The following HK2 variants were observed in gnomAD, a reference collection of about 807,000 sequenced individuals.
The protein encoded by HK2 is hexokinase-2.
A neutral mutation model predicts 92.9 loss-of-function variants in HK2; 42 were observed. The ratio of observed to expected loss-of-function variants is 0.45; its 90% confidence interval spans 0.35 to 0.58. HK2 has a LOEUF of 0.58. Among genes scored for constraint, HK2 ranks in the 20% least tolerant of loss-of-function variants. The pLI, the probability that HK2 is intolerant of heterozygous loss-of-function variation, is 0.00. For missense variants in HK2, 978 were observed against 1,245.1 expected (o/e 0.79, Z 3.23); for synonymous variants, 422 against 468.0 (o/e 0.90, Z 1.27).
chr2:74,848,281 AAT>A (rs1688490728), intron 1 of HK2, among the ~76,000 whole-genome samples: 1 of 152,238 alleles, frequency 6.6e-6, no homozygotes, highest in Non-Finnish European at 1.5e-5. Flanking sequence ...ATTGATCTAT[AAT>A]ATGAGCCAGC....
At chr2:74,835,046 G>C (rs1016839365) in intron 1 of HK2, 1 of 291,718 alleles carries the variant, frequency 3.4e-6, no homozygotes, top group Non-Finnish European at 6.6e-6. Context: ...GTGGCTGCGG[G>C]AGGCTGCTCC....
At chr2:74,876,124 T>A (rs888656012) in intron 7 of HK2, among the ~76,000 whole-genome samples, 34 of 152,232 alleles carry the variant, frequency 2.2e-4, no homozygotes, top group Admixed American at 1.3e-4. Context: ...GTGGGTGCAC[T>A]AACATTTAAA....
chr2:74,864,851 G>A (rs1193520978), intron 2 of HK2, among the ~76,000 whole-genome samples: 5 of 152,190 alleles, frequency 3.3e-5, no homozygotes, highest in Non-Finnish European at 5.9e-5. Flanking sequence ...CATGTTTCAC[G>A]TAAGCATCAC....
At chr2:74,845,701 C>T (rs1016895303) in intron 1 of HK2, among the ~76,000 whole-genome samples, 8 of 152,218 alleles carry the variant, frequency 5.3e-5, no homozygotes, top group East Asian at 1.9e-4. Context: ...GCTGCCCTGG[C>T]GAGGACAAGT....
At chr2:74,867,532 C>T (rs1688983188) in intron 2 of HK2, 104 bp from the exon 3 acceptor site, 1 of 1,274,534 alleles carries the variant, frequency 7.8e-7, no homozygotes, top group African/African-American at 1.5e-5. Flanking sequence ...CACTGGCCGC[C>T]CCTTACCCAC....
intron 1 of HK2, among the ~76,000 whole-genome samples, chr2:74,835,659 T>C (rs1484160701): frequency 6.6e-6 from 1 of 152,050 alleles, no homozygotes; most frequent in Non-Finnish European, 1.5e-5. Context: ...GCGCTCAGAA[T>C]TGAGTTTCTG....
intron 1 of HK2, among the ~76,000 whole-genome samples, chr2:74,846,657 CTTGTTT>C (rs1428428902): frequency 7.2e-5 from 11 of 152,148 alleles, no homozygotes; most frequent in Non-Finnish European, 1.5e-4. Flanking sequence ...ACCACTCTGG[CTTGTTT>C]TTGTTTTTAA....
intron 2 of HK2, among the ~76,000 whole-genome samples, chr2:74,860,954 A>G (rs1573369921): frequency 6.6e-6 from 1 of 152,120 alleles, no homozygotes; most frequent in African/African-American, 2.4e-5. Context: ...TAAAGAAAGC[A>G]TTCATTTGCG....
chr2:74,858,793 G>A (rs907206448), intron 2 of HK2, among the ~76,000 whole-genome samples: 1 of 152,190 alleles, frequency 6.6e-6, no homozygotes, highest in Non-Finnish European at 1.5e-5. Context: ...AAACCAGAAA[G>A]TTTCAGGCCA....
At chr2:74,874,019 C>A in intron 6 of HK2, 76 bp downstream of exon 6, 1 of 1,175,400 alleles carries the variant, frequency 8.5e-7, no homozygotes, top group Non-Finnish European at 1.3e-6. Context: ...AGAAGGGGCC[C>A]ATGGGCTGGG....
intron 2 of HK2, among the ~76,000 whole-genome samples, chr2:74,865,068 C>G (rs370610571): frequency 6.6e-6 from 1 of 151,766 alleles, no homozygotes; most frequent in Non-Finnish European, 1.5e-5. Context: ...CGAGAGGGCC[C>G]GTCTCAGGAT....
intron 2 of HK2, among the ~76,000 whole-genome samples, chr2:74,858,490 C>G (rs546403079): frequency 1.3e-5 from 2 of 152,096 alleles, no homozygotes; most frequent in African/African-American, 4.8e-5. Context: ...TCAGGGGGAT[C>G]GGTTTTCTGA....
At position 74,856,426 on chromosome 2, in the gene HK2, C is replaced by G. The variant is rs115275851; in HGVS notation, c.226+1971C>G. On this transcript the variant is annotated intron_variant, in intron 2 of 17. Coordinates refer to ENST00000290573, the MANE Select transcript of HK2 (RefSeq NM_000189.5). ...CCCCTCGAGGTGAGGGGCCTCTTAT[C>G]TCTTCCATGTCCTCTAGATTGGCAT... Among the ~76,000 whole-genome samples the G allele has an allele frequency of 1.6e-3, 238 of 152,244 alleles. 1 individual carries two copies. Among genetic ancestry groups the G allele is most frequent in the African/African-American group, 5.6e-3 (233 of 41,526 alleles).
intron 8 of HK2, 63 bp from the exon 9 acceptor site, chr2:74,878,625 C>G: frequency 7.5e-7 from 1 of 1,339,838 alleles, no homozygotes; most frequent in Non-Finnish European, 1.1e-6. Context: ...TGCCACCCCC[C>G]GACACACACA....
At chr2:74,853,230 G>A (rs1254591645) in intron 1 of HK2, among the ~76,000 whole-genome samples, 2 of 152,056 alleles carry the variant, frequency 1.3e-5, no homozygotes, top group Non-Finnish European at 2.9e-5. Context: ...AAGATTAGGA[G>A]GTGGGGCCGG....
rs746337978 is a variant in HK2 at position 74,880,563 on chromosome 2, G to A, written c.1564G>A (p.Gly522Ser). 3.1e-6 allele frequency: 5 copies of A among 1,613,606 alleles called. 1 individual carries two copies. The highest frequency in any genetic ancestry group is 4.2e-6 in the Non-Finnish European group (5 of 1,179,700). Residue 522 changes from glycine to serine, a missense_variant, in exon 10 of 18, where the codon GGC becomes AGC. Around this residue, in one of 3 missense-constraint regions of HK2, gnomAD observed 742 missense variants for 922.5 expected, o/e 0.80. Coordinates refer to ENST00000290573, the MANE Select transcript of HK2 (RefSeq NM_000189.5). ...CACCTACGTGTGTGCTACCCCGGACGGCACAGGTACACGGCAGGGTTGCCA... is the reference window on the plus strand; with the variant it reads ...CACCTACGTGTGTGCTACCCCGGACAGCACAGGTACACGGCAGGGTTGCCA... ...LPTYVCATPD[G>S]TEKGDFLALD...
At chr2:74,872,128 T>C (rs1371295670) in intron 3 of HK2, among the ~76,000 whole-genome samples, 172 bp from the exon 4 acceptor site, 3 of 152,168 alleles carry the variant, frequency 2.0e-5, no homozygotes, top group African/African-American at 7.2e-5. Context: ...CATAACTCCA[T>C]GAGGACAGGT....
chr2:74,868,767 A>G (rs971692007), intron 3 of HK2, among the ~76,000 whole-genome samples: 1 of 152,378 alleles, frequency 6.6e-6, no homozygotes, highest in African/African-American at 2.4e-5. Context: ...AAAACAAAAC[A>G]AACAAAATAA....
In HK2 at chr2:74,878,675, TTC is replaced by T; in HGVS notation, c.1032-11_1032-10del. On this transcript the variant is annotated splice_polypyrimidine_tract_variant and intron_variant, in intron 8 of 17. Coordinates refer to ENST00000290573, the MANE Select transcript of HK2 (RefSeq NM_000189.5). ...TCAGACACAGGCCCACATGCTATCTTTCTGTTTCCCAGGGAGAAGGATGGCAT... is the reference window on the plus strand; with the variant it reads ...TCAGACACAGGCCCACATGCTATCTTTGTTTCCCAGGGAGAAGGATGGCAT... 3 of 1,594,454 alleles carry T rather than the reference TTC, an allele frequency of 1.9e-6. No homozygotes were observed. The highest frequency in any genetic ancestry group is 2.3e-5 in the East Asian group (1 of 44,152).
Sources: gnomAD v4.1 joint callset for allele counts (sites outside exome capture counted in the v4.1 genomes callset) on GRCh38, gnomAD v4.1.1 for gene constraint, gnomAD v4.1.1 regional missense constraint, MANE v1.5 for transcripts, NCBI Gene and HGNC (gene_info 2026-07-23, HGNC 2026-07-21) for gene names.